The following TMEM132D variants were observed in gnomAD, a reference collection of about 807,000 sequenced individuals.
TMEM132D encodes the protein transmembrane protein 132D.
In TMEM132D, 21 loss-of-function variants were observed where a neutral mutation model predicts 62.3. The observed-to-expected ratio is 0.34, with a 90% CI of 0.24 to 0.49. The LOEUF is 0.49. TMEM132D is among the 20% of genes least tolerant of loss of function. The pLI is 0.99. For missense variants in TMEM132D, 1,346 were observed against 1,402.8 expected (o/e 0.96, Z 0.65); for synonymous variants, 621 against 575.6 (o/e 1.08, Z -1.13).
At chr12:129,527,340 G>A (rs750599609) in intron 3 of TMEM132D, among the ~76,000 whole-genome samples, 12 of 152,038 alleles carry the variant, frequency 7.9e-5, no homozygotes, top group Non-Finnish European at 1.6e-4. Flanking sequence ...CAAAACATTC[G>A]TTTTAAAATG....
chr12:129,147,584 TC>T (rs1264997399), intron 5 of TMEM132D, among the ~76,000 whole-genome samples: 2 of 152,152 alleles, frequency 1.3e-5, no homozygotes, highest in African/African-American at 4.8e-5. Flanking sequence ...TTTTTCTCCC[TC>T]CAGTACAAGA....
At chr12:129,506,122 T>A (rs1208355239) in intron 3 of TMEM132D, among the ~76,000 whole-genome samples, 2 of 152,238 alleles carry the variant, frequency 1.3e-5, no homozygotes, top group Non-Finnish European at 2.9e-5. Context: ...ATAAGTTCTG[T>A]GAGATTTATG....
intron 4 of TMEM132D, among the ~76,000 whole-genome samples, chr12:129,228,718 T>A (rs1022647053): frequency 6.6e-6 from 1 of 152,218 alleles, no homozygotes; most frequent in Admixed American, 6.5e-5. Context: ...AGCTGAATAA[T>A]ACTCCTCAAG....
At chr12:129,124,022 T>C (rs899831722) in intron 5 of TMEM132D, among the ~76,000 whole-genome samples, 1 of 152,186 alleles carries the variant, frequency 6.6e-6, no homozygotes, top group Non-Finnish European at 1.5e-5. Flanking sequence ...CCAATTCCTA[T>C]AATAAATCTC....
At chr12:129,487,068 G>A (rs1874606441) in intron 3 of TMEM132D, among the ~76,000 whole-genome samples, 2 of 151,874 alleles carry the variant, frequency 1.3e-5, no homozygotes, top group Non-Finnish European at 2.9e-5. Flanking sequence ...TGTGACAGTT[G>A]GTTTTGGTCA....
At chr12:129,145,726 A>G (rs76806356) in intron 5 of TMEM132D, among the ~76,000 whole-genome samples, 2,272 of 152,156 alleles carry the variant, frequency 0.015, 52 homozygotes, top group African/African-American at 0.052. Context: ...TTTTTCAGTC[A>G]CTTTCCAAGT....
At chr12:129,384,846 G>C (rs532691152) in intron 3 of TMEM132D, among the ~76,000 whole-genome samples, 1 of 152,102 alleles carries the variant, frequency 6.6e-6, no homozygotes, top group Non-Finnish European at 1.5e-5. Context: ...CAAAATCCTA[G>C]TTAAGAATTT....
chr12:129,710,963 T>C (rs1292346888), intron 1 of TMEM132D, among the ~76,000 whole-genome samples: 1 of 149,966 alleles, frequency 6.7e-6, no homozygotes, highest in African/African-American at 2.5e-5. Flanking sequence ...AGCCTCGGTG[T>C]GCACGCTGCC....
intron 2 of TMEM132D, among the ~76,000 whole-genome samples, chr12:129,564,586 C>T (rs987202250): frequency 4.6e-5 from 7 of 152,168 alleles, no homozygotes; most frequent in African/African-American, 9.7e-5. Flanking sequence ...CCAGTGAACA[C>T]GTCCCTCGGC....
chr12:129,097,063 G>A (rs75620424), intron 5 of TMEM132D, among the ~76,000 whole-genome samples: 11 of 152,152 alleles, frequency 7.2e-5, no homozygotes, highest in Admixed American at 6.5e-4. Context: ...CTCTTGCCAC[G>A]TGCCAGGTGC....
chr12:129,166,220 C>T (rs892443346), intron 5 of TMEM132D, among the ~76,000 whole-genome samples: 23 of 152,266 alleles, frequency 1.5e-4, no homozygotes, highest in African/African-American at 3.9e-4. Flanking sequence ...TGGATGCACC[C>T]GATGGGACCT....
chr12:129,207,481 G>A (rs1878888371), intron 5 of TMEM132D, among the ~76,000 whole-genome samples: 1 of 152,218 alleles, frequency 6.6e-6, no homozygotes, highest in African/African-American at 2.4e-5. Flanking sequence ...GGGTGTCTGT[G>A]AAGATTTTGC....
chr12:129,251,377 AAAAAAAG>A (rs1880261435), intron 4 of TMEM132D, among the ~76,000 whole-genome samples: 2 of 150,768 alleles, frequency 1.3e-5, no homozygotes, highest in East Asian at 2.0e-4. Context: ...AAAAAAAAAA[AAAAAAAG>A]AAGAGAGAAA....
intron 3 of TMEM132D, among the ~76,000 whole-genome samples, chr12:129,401,560 C>T (rs936147552): frequency 1.3e-5 from 2 of 151,860 alleles, no homozygotes; most frequent in African/African-American, 2.4e-5. Context: ...CAGAGCGAGA[C>T]GCTGCCTTAA....
At chr12:129,300,642 A>G (rs1881690911) in intron 4 of TMEM132D, among the ~76,000 whole-genome samples, 1 of 152,124 alleles carries the variant, frequency 6.6e-6, no homozygotes, top group Admixed American at 6.5e-5. Context: ...TTTTCCTGTC[A>G]ATGCTGAATA....
chr12:129,448,421 G>A (rs935950029), intron 3 of TMEM132D, among the ~76,000 whole-genome samples: 6 of 152,044 alleles, frequency 3.9e-5, no homozygotes, highest in African/African-American at 1.4e-4. Flanking sequence ...TCCCCTCAGT[G>A]TGTCCATGTG....
In TMEM132D at chr12:129,259,140, A is replaced by G. The variant is rs753978908; in HGVS notation, c.1300-49477T>C. ...CGCCCTCAGTAAGGCCATTTCCTTC[A>G]TGGTTAGGTGGCTCCTGAACATTGC... On this transcript the variant is annotated intron_variant, in intron 4 of 8. Coordinates refer to ENST00000422113, the MANE Select transcript of TMEM132D (RefSeq NM_133448.3). 2.6e-5 allele frequency among the ~76,000 whole-genome samples: 4 copies of G among 152,184 alleles called. No homozygotes were observed. In the South Asian group the frequency reaches 8.3e-4, roughly 32 times the overall value.
At chr12:129,553,611 C>G (rs901421661) in intron 2 of TMEM132D, among the ~76,000 whole-genome samples, 9 of 152,196 alleles carry the variant, frequency 5.9e-5, no homozygotes, top group Non-Finnish European at 1.0e-4. Flanking sequence ...CCCACCATGA[C>G]TGTTTTCAAG....
intron 1 of TMEM132D, among the ~76,000 whole-genome samples, chr12:129,733,507 A>C (rs186338120): frequency 1.3e-5 from 2 of 152,334 alleles, no homozygotes; most frequent in African/African-American, 2.4e-5. Context: ...TGAAGAGAGC[A>C]GAGAAAAGCT....
Sources: allele counts gnomAD v4.1 joint callset (sites outside exome capture counted in the v4.1 genomes callset), GRCh38; gene constraint gnomAD v4.1.1; transcripts MANE v1.5; gene names NCBI Gene and HGNC (gene_info 2026-07-23, HGNC 2026-07-21).